Variants in OR6N2 observed in about 807,000 individuals in gnomAD.
OR6N2 encodes olfactory receptor family 6 subfamily N member 2, also known as olfactory receptor 6N2.
For synonymous variants in OR6N2, 160 were observed against 138.3 expected (o/e 1.16, Z -1.10); for missense variants, 399 against 379.7 (o/e 1.05, Z -0.42).
Position 158,775,639 on chromosome 1 carries a change from A to G in OR6N2, c.*1043T>C, listed in dbSNP as rs1657573037. On this transcript the variant is annotated 3_prime_UTR_variant, in exon 2 of 2. Transcript: ENST00000641131. ...GAGAGTAGGAGAAAGGAGCATGGGT[A>G]GAATATTATTACATTAATCCAATTG... The G allele has an allele frequency of 6.6e-6, 1 of 152,244 alleles. No individual in the cohort carries two copies. The highest frequency in any genetic ancestry group is 1.5e-5 in the Non-Finnish European group (1 of 68,040). 9.4% of individuals were successfully genotyped at this position (152,244 alleles called of 1,614,324 possible).
rs1323433843 is a variant in OR6N2 at position 158,776,995 on chromosome 1, A to G, written c.641T>C (p.Ile214Thr). 3 of 1,614,212 alleles carry G rather than the reference A, an allele frequency of 1.9e-6. No individual in the cohort carries two copies. Among genetic ancestry groups the G allele is most frequent in the South Asian group, 1.1e-5 (1 of 91,084 alleles). Residue 214 changes from isoleucine (I) to threonine (T), a missense_variant, in exon 2 of 2, where the codon ATC becomes ACC. Transcript: ENST00000641131. ...AATGATCCTTGCATAAGAAATCATG[A>G]TAAAGAAGAAAGTGATAAGAATTAT... Reference protein sequence around the residue: ...AFIILITFFFIMISYARIIGA... With the variant: ...AFIILITFFFTMISYARIIGA...
rs1299096638 is a variant in OR6N2, at chr1:158,775,779, T to C, written c.*903A>G. 6.6e-6 allele frequency: 1 copy of C among 152,260 alleles called. No homozygotes were observed. Among genetic ancestry groups the C allele is most frequent in the African/African-American group, 2.4e-5 (1 of 41,546 alleles). The allele number at this position is 152,260 out of a possible 1,614,324, so 9.4% of individuals were successfully genotyped here. A position where few individuals can be genotyped will look rare whatever the true frequency, so the allele number is the denominator to read the frequency against. Reference sequence around the variant, plus strand: ...GGCATACATTAATAATTGATTGGAATTATGGTTGTAAGAAAAGGAAGCAAA... The same window carrying C: ...GGCATACATTAATAATTGATTGGAACTATGGTTGTAAGAAAAGGAAGCAAA... On this transcript the variant is annotated 3_prime_UTR_variant, in exon 2 of 2. Coordinates refer to ENST00000641131, the MANE Select transcript of OR6N2 (RefSeq NM_001005278.2).
At chr1:158,780,664 T>A (rs539685493) in intron 1 of OR6N2, among the ~76,000 whole-genome samples, 46 of 152,338 alleles carry the variant, frequency 3.0e-4, no homozygotes, top group Non-Finnish European at 5.9e-4. Flanking sequence ...GTATTGAATA[T>A]CTCATGTATT....
intron 1 of OR6N2, 103 bp from the exon 2 acceptor site, chr1:158,777,744 T>C (rs1200887192): frequency 2.1e-5 from 14 of 672,714 alleles, no homozygotes; most frequent in Non-Finnish European, 3.6e-5. Flanking sequence ...AAAGTAGCAC[T>C]GAAATTACTA....
In OR6N2 at chr1:158,776,640, T is replaced by C. The variant is rs747445714; in HGVS notation, c.*42A>G. The C allele has an allele frequency of 8.2e-7, 1 of 1,213,228 alleles. No homozygotes were observed. Among genetic ancestry groups the C allele is most frequent in the Non-Finnish European group, 1.2e-6 (1 of 853,270 alleles). The allele number at this position is 1,213,228 out of a possible 1,614,324, so 75.2% of individuals were successfully genotyped here. ...ATGGGAAGATTACTCAAGGAACTTTTATGAATTGAACATTGAGGTGAGAAA... is the reference window on the plus strand; with the variant it reads ...ATGGGAAGATTACTCAAGGAACTTTCATGAATTGAACATTGAGGTGAGAAA... On this transcript the variant is annotated 3_prime_UTR_variant, in exon 2 of 2. Coordinates refer to ENST00000641131, the MANE Select transcript of OR6N2 (RefSeq NM_001005278.2).
chr1:158,777,040 T>A lies in OR6N2; in HGVS notation c.596A>T (p.Asp199Val), dbSNP rs147929171. 1.6e-4 allele frequency: 255 copies of A among 1,614,018 alleles called. 5 individuals are homozygous for A. In the East Asian group the frequency reaches 5.3e-3, roughly 33 times the overall value. The part of the protein sequence containing the change: ...CKDTSANILV[D>V]FAINAFIILI... Reference sequence around the variant, plus strand: ...AATTATGAAAGCATTAATGGCAAAGTCCACCAGAATGTTAGCAGATGTGTC... The same window carrying A: ...AATTATGAAAGCATTAATGGCAAAGACCACCAGAATGTTAGCAGATGTGTC... The change falls in exon 2 of 2, where the codon GAC becomes GTC. Residue 199 changes from aspartate (D) to valine (V), a missense_variant. By Grantham distance (152) the Asp-to-Val change is radical. Coordinates refer to ENST00000641131, the MANE Select transcript of OR6N2 (RefSeq NM_001005278.2).
intron 1 of OR6N2, 48 bp from the exon 2 acceptor site, chr1:158,777,689 G>C: frequency 1.1e-5 from 13 of 1,150,148 alleles, no homozygotes; most frequent in Non-Finnish European, 1.6e-5. Flanking sequence ...GATGACTGCT[G>C]AATCCATGCC....
At chr1:158,778,887 G>A (rs1311247931) in intron 1 of OR6N2, among the ~76,000 whole-genome samples, 2 of 151,716 alleles carry the variant, frequency 1.3e-5, no homozygotes, top group East Asian at 3.9e-4. Flanking sequence ...GCGTGGTGGC[G>A]GGCACCTGCA....
Position 158,777,281 on chromosome 1 carries a change from C to T in OR6N2, c.355G>A (p.Ala119Thr). Residue 119 changes from alanine to threonine, a missense_variant, in exon 2 of 2, where the codon GCC becomes ACC. Transcript: ENST00000641131. ...CAAATGGCCAGGTATCTATCATAGG[C>T]CATGGCTGTAAGAAGGTAGCATTCA... is the stretch of plus-strand genomic sequence containing the variant. ...ASECYLLTAM[A>T]YDRYLAICRP... 1.2e-6 allele frequency: 2 copies of T among 1,614,032 alleles called. No individual in the cohort carries two copies. Among genetic ancestry groups the T allele is most frequent in the South Asian group, 2.2e-5 (2 of 91,080 alleles).
In OR6N2 at chr1:158,778,858, CA is replaced by C. The variant is rs943148155; in HGVS notation, c.-6-1218del. Among the ~76,000 whole-genome samples, 29 of 146,810 alleles carry C rather than the reference CA, an allele frequency of 2.0e-4. 1 individual carries two copies. Among genetic ancestry groups the C allele is most frequent in the South Asian group, 8.7e-4 (4 of 4,598 alleles). ...TGAAACCCCGTCTCTACTAAAAATA[CA>C]AAAAAAAAATCAGCCGGGCGTGGTG... On this transcript the variant is annotated intron_variant, in intron 1 of 1. Transcript: ENST00000641131.
In OR6N2 at chr1:158,777,483, C is replaced by T. The variant is rs768455326; in HGVS notation, c.153G>A (p.Leu51=). Residue 51 remains leucine (L), a synonymous_variant, in exon 2 of 2, where the codon CTG becomes CTA. Coordinates refer to ENST00000641131, the MANE Select transcript of OR6N2 (RefSeq NM_001005278.2). ...GNMLIFSVIR[L]DAALHTPMYH... is the part of the protein sequence containing the mutation. ...ACATAGGTGTGTGCAGAGCTGCATC[C>T]AGTCGGATGACTGAGAAGATGAGCA... 5.4e-5 allele frequency: 87 copies of T among 1,614,006 alleles called. No homozygotes were observed. Among genetic ancestry groups the T allele is most frequent in the Non-Finnish European group, 7.1e-5 (84 of 1,180,010 alleles).
rs1426316191 is a variant in OR6N2, at chr1:158,776,064, G to C, written c.*618C>G. On this transcript the variant is annotated 3_prime_UTR_variant, in exon 2 of 2. Transcript: ENST00000641131. The stretch of plus-strand genomic sequence containing the variant: ...CATAAGAATAACTCCGAGTATCTAG[G>C]GAGATAGCACGGCAGGACAACGAAG... 6.6e-6 allele frequency: 1 copy of C among 152,128 alleles called. No homozygotes were observed. Among genetic ancestry groups the C allele is most frequent in the African/African-American group, 2.4e-5 (1 of 41,394 alleles). 9.4% of individuals were successfully genotyped at this position (152,128 alleles called of 1,614,324 possible). A position where few individuals can be genotyped will look rare whatever the true frequency, so the allele number is the denominator to read the frequency against.
rs375817524 is a variant in OR6N2 at position 158,777,543 on chromosome 1, C to T, written c.93G>A (p.Leu31=). 1.9e-6 allele frequency: 3 copies of T among 1,614,080 alleles called. No individual in the cohort carries two copies. The highest frequency in any genetic ancestry group is 2.5e-6 in the Non-Finnish European group (3 of 1,180,020). Residue 31 remains leucine, a synonymous_variant, in exon 2 of 2, where the codon CTG becomes CTA. Coordinates refer to ENST00000641131, the MANE Select transcript of OR6N2 (RefSeq NM_001005278.2). ...GYVRGWLFVL[L]LLAYLFTICG... ...AGATGGTGAACAGGTATGCCAATAG[C>T]AGCAGGACAAAAAGCCAGCCCCTGA...
rs569037693 is a variant in OR6N2, at chr1:158,776,406, C to T, written c.*276G>A. 1.0e-4 allele frequency: 26 copies of T among 260,626 alleles called. No individual in the cohort carries two copies. In the East Asian group the frequency reaches 1.9e-3, roughly 19 times the overall value. 16.1% of individuals were successfully genotyped at this position (260,626 alleles called of 1,614,324 possible). A position where few individuals can be genotyped will look rare whatever the true frequency, so the allele number is the denominator to read the frequency against. On this transcript the variant is annotated 3_prime_UTR_variant, in exon 2 of 2. Transcript: ENST00000641131. ...TGATTGGAAAAAGGAACAGAGAAAT[C>T]GATCTCTAGCTGGATGGAAATGTGT...
rs1370105717 is a variant in OR6N2 at position 158,777,652 on chromosome 1, G to A, written c.-6-11C>T. 6.6e-7 allele frequency: 1 copy of A among 1,519,754 alleles called. No homozygotes were observed. The highest frequency in any genetic ancestry group is 1.2e-5 in the South Asian group (1 of 85,508). The allele number at this position is 1,519,754 out of a possible 1,614,324, so 94.1% of individuals were successfully genotyped here. A position where few individuals can be genotyped will look rare whatever the true frequency, so the allele number is the denominator to read the frequency against. On this transcript the variant is annotated splice_polypyrimidine_tract_variant and intron_variant, in intron 1 of 1. Transcript: ENST00000641131. ...TTGATCCATGGGAGGCTGAGGTAAA[G>A]AAGGAAAGAAGAAAACATTGGATTG...
In OR6N2 at chr1:158,777,201, A is replaced by G. The variant is rs748917214; in HGVS notation, c.435T>C (p.Ala145=). Residue 145 remains alanine (A), a synonymous_variant, in exon 2 of 2, where the codon GCT becomes GCC. Transcript: ENST00000641131. Reference sequence around the variant, plus strand: ...GGAAGCCACAAGTCCAACAAGCAGCAGCCATCTTGGCACAGAGTGTGGTGG... The same window carrying G: ...GGAAGCCACAAGTCCAACAAGCAGCGGCCATCTTGGCACAGAGTGTGGTGG... The part of the protein sequence containing the change: ...IMTTTLCAKM[A]AACWTCGFLC... The G allele has an allele frequency of 3.7e-6, 6 of 1,614,020 alleles. No homozygotes were observed. Among genetic ancestry groups the G allele is most frequent in the Non-Finnish European group, 2.5e-6 (3 of 1,180,044 alleles).
At position 158,776,772 on chromosome 1, in the gene OR6N2, A is replaced by G. The variant is rs1346222165; in HGVS notation, c.864T>C (p.Ile288=). ...YSVLTPMVNP[I]IYSLRNKEII... ...TTTCCTTGTTACGAAGACTGTAGAT[A>G]ATTGGATTGACCATTGGTGTTAGTA... The change falls in exon 2 of 2, where the codon ATT becomes ATC. Residue 288 remains isoleucine, a synonymous_variant. Transcript: ENST00000641131. 6.2e-7 allele frequency: 1 copy of G among 1,613,976 alleles called. No individual in the cohort carries two copies. The highest frequency in any genetic ancestry group is 8.5e-7 in the Non-Finnish European group (1 of 1,179,840).
Position 158,776,040 on chromosome 1 carries a change from A to G in OR6N2, c.*642T>C, listed in dbSNP as rs975798709. ...TGTGATAGAGATCATATTTAAATCCATAAGAATAACTCCGAGTATCTAGGG... is the reference window on the plus strand; with the variant it reads ...TGTGATAGAGATCATATTTAAATCCGTAAGAATAACTCCGAGTATCTAGGG... On this transcript the variant is annotated 3_prime_UTR_variant, in exon 2 of 2. Transcript: ENST00000641131. 3.3e-5 allele frequency: 5 copies of G among 151,872 alleles called. No individual in the cohort carries two copies. Among genetic ancestry groups the G allele is most frequent in the Non-Finnish European group, 5.9e-5 (4 of 68,038 alleles). 9.4% of individuals were successfully genotyped at this position (151,872 alleles called of 1,614,324 possible).
intron 1 of OR6N2, 145 bp downstream of exon 1, chr1:158,781,025 A>G (rs145739500): frequency 6.6e-6 from 1 of 152,350 alleles, no homozygotes; most frequent in Admixed American, 6.5e-5. Flanking sequence ...AAATTGAATT[A>G]TTTCAAGTCC....
Sources: allele counts gnomAD v4.1 joint callset (sites outside exome capture counted in the v4.1 genomes callset), GRCh38; gene constraint gnomAD v4.1.1; transcripts MANE v1.5; gene names NCBI Gene and HGNC (gene_info 2026-07-23, HGNC 2026-07-21).